FBXL17: variants seen among roughly 807,000 people sequenced by gnomAD.
FBXL17 encodes the protein F-box/LRR-repeat protein 17.
Under a neutral mutation model 66.2 loss-of-function variants are expected in FBXL17, and 22 were observed. The observed-to-expected ratio is 0.33, with a 90% CI of 0.24 to 0.47. The LOEUF is 0.47. Among genes scored for constraint, FBXL17 ranks in the 20% least tolerant of loss-of-function variants. FBXL17 has a pLI of 1.00. For missense variants in FBXL17, 878 were observed against 948.2 expected (o/e 0.93, Z 0.97); for synonymous variants, 474 against 400.5 (o/e 1.18, Z -2.19).
chr5:108,123,829 G>A (rs1357491932), intron 6 of FBXL17, among the ~76,000 whole-genome samples: 1 of 152,064 alleles, frequency 6.6e-6, no homozygotes, highest in African/African-American at 2.4e-5. Flanking sequence ...ATTCCTAAAT[G>A]ATCCGTCAAA....
chr5:108,298,804 A>C (rs1758455619), intron 4 of FBXL17: 1 of 827,844 alleles, frequency 1.2e-6, no homozygotes, highest in Admixed American at 6.3e-5. Context: ...TAGTGTATAC[A>C]TATTTTCAAA....
intron 7 of FBXL17, among the ~76,000 whole-genome samples, chr5:107,946,997 A>G (rs924302502): frequency 6.6e-6 from 1 of 152,280 alleles, no homozygotes; most frequent in East Asian, 1.9e-4. Context: ...AGTTAATTAA[A>G]TAATTAAAAA....
At chr5:108,287,293 AC>A (rs1757937283) in intron 4 of FBXL17, among the ~76,000 whole-genome samples, 1 of 151,974 alleles carries the variant, frequency 6.6e-6, no homozygotes, top group African/African-American at 2.4e-5. Flanking sequence ...GAGCTTCTAA[AC>A]ACAGCAAAAG....
chr5:107,966,547 C>G (rs1226361670), intron 7 of FBXL17, among the ~76,000 whole-genome samples: 3 of 152,140 alleles, frequency 2.0e-5, no homozygotes, highest in Non-Finnish European at 2.9e-5. Context: ...CACTACCTGG[C>G]TCCCAATTTC....
intron 6 of FBXL17, among the ~76,000 whole-genome samples, chr5:108,141,712 C>T (rs1033422927): frequency 6.6e-6 from 1 of 152,226 alleles, no homozygotes; most frequent in African/African-American, 2.4e-5. Context: ...GTAAGACCCA[C>T]CTGAACCTGT....
At chr5:108,305,033 T>C (rs747225659) in intron 4 of FBXL17, among the ~76,000 whole-genome samples, 7 of 152,000 alleles carry the variant, frequency 4.6e-5, no homozygotes, top group Non-Finnish European at 8.8e-5. Context: ...TATTTCTCCA[T>C]ATGAAAAATG....
At chr5:107,980,645 A>ATATATATAT (rs1554054251) in intron 7 of FBXL17, among the ~76,000 whole-genome samples, 7 of 79,252 alleles carry the variant, frequency 8.8e-5, no homozygotes, top group East Asian at 8.4e-4. Context: ...CCAATAAAAT[A>ATATATATAT]ATATATATAT....
In FBXL17 at chr5:108,200,147, G is replaced by C. The variant is rs563782328; in HGVS notation, c.1615-13900C>G. On this transcript the variant is annotated intron_variant, in intron 5 of 8. Coordinates refer to ENST00000542267, the MANE Select transcript of FBXL17 (RefSeq NM_001163315.3). ...GGGCTGGAACCACGGAGGAGACAGA[G>C]GTGTTGCCAGAAATGCTACCTGAGT... Among the ~76,000 whole-genome samples the C allele has an allele frequency of 5.3e-5, 8 of 152,248 alleles. No homozygotes were observed. The East Asian group carries it at 1.5e-3, about 29-fold the overall frequency.
chr5:107,968,062 A>T (rs1419595297), intron 7 of FBXL17, among the ~76,000 whole-genome samples: 1 of 152,164 alleles, frequency 6.6e-6, no homozygotes, highest in Admixed American at 6.6e-5. Context: ...TGTTTTGATT[A>T]TGTGTTAAGT....
At chr5:108,152,189 G>C (rs1228711332) in intron 6 of FBXL17, among the ~76,000 whole-genome samples, 2 of 152,146 alleles carry the variant, frequency 1.3e-5, no homozygotes, top group Admixed American at 1.3e-4. Context: ...GAAAAGTCAA[G>C]ATAATAATTT....
At chr5:108,348,882 G>A (rs1261470854) in intron 3 of FBXL17, among the ~76,000 whole-genome samples, 1 of 152,154 alleles carries the variant, frequency 6.6e-6, no homozygotes. Flanking sequence ...ATGGCTCACT[G>A]CAGCCTCAAC....
chr5:107,936,363 T>C (rs1294181680), intron 7 of FBXL17, among the ~76,000 whole-genome samples: 1 of 152,102 alleles, frequency 6.6e-6, no homozygotes, highest in Non-Finnish European at 1.5e-5. Context: ...TTGTTTTGGG[T>C]GGCAAGATTA....
intron 4 of FBXL17, among the ~76,000 whole-genome samples, chr5:108,276,335 T>C (rs1310707473): frequency 6.6e-6 from 1 of 152,186 alleles, no homozygotes; most frequent in Non-Finnish European, 1.5e-5. Context: ...CTGGTAAACA[T>C]TTGTGAAAAT....
At chr5:108,103,751 A>G (rs1308234653) in intron 6 of FBXL17, among the ~76,000 whole-genome samples, 1 of 152,198 alleles carries the variant, frequency 6.6e-6, no homozygotes, top group African/African-American at 2.4e-5. Flanking sequence ...TTGGGAAGCC[A>G]GTAGGGCTTT....
intron 7 of FBXL17, among the ~76,000 whole-genome samples, chr5:107,960,259 A>G (rs1751842270): frequency 6.6e-6 from 1 of 152,132 alleles, no homozygotes; most frequent in Admixed American, 6.5e-5. Flanking sequence ...GTACAATGTG[A>G]TATTTTAAGA....
chr5:108,136,778 G>C (rs950034694), intron 6 of FBXL17, among the ~76,000 whole-genome samples: 5 of 152,118 alleles, frequency 3.3e-5, no homozygotes, highest in African/African-American at 1.2e-4. Context: ...GTCTAAACTC[G>C]ACAGGAAACC....
intron 6 of FBXL17, among the ~76,000 whole-genome samples, chr5:108,177,815 AC>A (rs1470109938): frequency 4.6e-5 from 7 of 151,664 alleles, no homozygotes; most frequent in Non-Finnish European, 1.0e-4. Flanking sequence ...ATTAAATAAA[AC>A]AATGTGTATA....
chr5:108,164,011 T>G (rs775912979), intron 6 of FBXL17, among the ~76,000 whole-genome samples: 1 of 152,232 alleles, frequency 6.6e-6, no homozygotes, highest in Non-Finnish European at 1.5e-5. Flanking sequence ...TAGGCAAGTA[T>G]GAGCTTTTCC....
At chr5:107,904,134 C>T (rs1580699168) in intron 7 of FBXL17, among the ~76,000 whole-genome samples, 1 of 152,172 alleles carries the variant, frequency 6.6e-6, no homozygotes, top group East Asian at 1.9e-4. Context: ...CGGGGCTTCA[C>T]CTGGATGCTC....
Sources: allele counts gnomAD v4.1 joint callset (sites outside exome capture counted in the v4.1 genomes callset), GRCh38; gene constraint gnomAD v4.1.1; transcripts MANE v1.5; gene names NCBI Gene and HGNC (gene_info 2026-07-23, HGNC 2026-07-21).